The following CLECL1 variants were observed in gnomAD, a reference collection of about 807,000 sequenced individuals.
CLECL1 encodes C-type lectin-like domain family 1.
At chr12:9,727,442 G>A (rs1866393133) in intron 3 of CLECL1, among the ~76,000 whole-genome samples, 1 of 151,698 alleles carries the variant, frequency 6.6e-6, no homozygotes. Context: ...GAAAAGCAAT[G>A]ATCTAAACCA....
At chr12:9,721,945 C>T (rs34633868), downstream of CLECL1, among the ~76,000 whole-genome samples, 24,685 of 152,028 alleles carry the variant, frequency 0.16, 2,114 homozygotes, top group African/African-American at 0.22. Context: ...GGGACTTTTT[C>T]CCTCAGATGT....
downstream of CLECL1, chr12:9,718,570 G>C: frequency 2.4e-6 from 1 of 411,140 alleles, no homozygotes; most frequent in African/African-American, 2.4e-5. Context: ...ATATTTTGAA[G>C]TCCTAATCGC....
the CLECL1 span, among the ~76,000 whole-genome samples, chr12:9,710,490 C>T: frequency 2.6e-5 from 4 of 152,112 alleles, no homozygotes; most frequent in African/African-American, 9.7e-5. Flanking sequence ...GGCTAGGGCT[C>T]CATACCCTGG....
downstream of CLECL1, among the ~76,000 whole-genome samples, chr12:9,712,976 G>A (rs1326744197): frequency 6.6e-6 from 1 of 152,180 alleles, no homozygotes; most frequent in Non-Finnish European, 1.5e-5. Context: ...CACCAAGTTG[G>A]AGAAGGAAGG....
chr12:9,732,332 T>G (rs1179567060), intron 1 of CLECL1, among the ~76,000 whole-genome samples: 1 of 152,150 alleles, frequency 6.6e-6, no homozygotes, highest in African/African-American at 2.4e-5. Flanking sequence ...CTTCAAAGAA[T>G]AGAAAAGACA....
rs1163985434 is a variant in CLECL1, at chr12:9,725,057, A to G, written n.263-2244T>C. Among the ~76,000 whole-genome samples, 7 of 152,294 alleles carry G rather than the reference A, an allele frequency of 4.6e-5. No individual in the cohort carries two copies. In the South Asian group the frequency reaches 1.2e-3, roughly 27 times the overall value. ...CAAAGGAAAAAGTAACTGTCAACAA[A>G]GTATTCTATATCCAGTGAAAAATCT... is the stretch of plus-strand genomic sequence containing the variant. On this transcript the variant is annotated intron_variant and non_coding_transcript_variant, in intron 3 of 3. Transcript: ENST00000621400.
chr12:9,729,602 A>G (rs1194917932), exon 2 of CLECL1, among the ~76,000 whole-genome samples: 2 of 152,164 alleles, frequency 1.3e-5, no homozygotes. Context: ...CAAAATATTC[A>G]GTACAATTAC....
exon 4 of CLECL1, chr12:9,722,758 C>T (rs1866330044): frequency 6.2e-7 from 1 of 1,613,914 alleles, no homozygotes; most frequent in Non-Finnish European, 8.5e-7. Context: ...TTCCCTTATG[C>T]ACCTTCCAGT....
intron 2 of CLECL1, among the ~76,000 whole-genome samples, chr12:9,728,177 G>C (rs1318701167): frequency 2.0e-5 from 3 of 151,644 alleles, no homozygotes; most frequent in Non-Finnish European, 4.4e-5. Flanking sequence ...TTGTCTTTCT[G>C]CTGGCCATTT....
At chr12:9,717,016 CG>C (rs1334960650) in intron 2 of CLECL1, among the ~76,000 whole-genome samples, 1 of 152,140 alleles carries the variant, frequency 6.6e-6, no homozygotes, top group Non-Finnish European at 1.5e-5. Flanking sequence ...GCAGCATGAA[CG>C]ATGTCAAGTA....
At chr12:9,731,327 T>G (rs1192767542) in intron 1 of CLECL1, among the ~76,000 whole-genome samples, 3 of 152,250 alleles carry the variant, frequency 2.0e-5, no homozygotes, top group Non-Finnish European at 4.4e-5. Flanking sequence ...TTTCCTGCTC[T>G]ATATTTAGTA....
intron 3 of CLECL1, among the ~76,000 whole-genome samples, chr12:9,725,517 T>G (rs1163351987): frequency 1.3e-5 from 2 of 150,404 alleles, no homozygotes; most frequent in Admixed American, 6.6e-5. Context: ...CTGGAAGCAG[T>G]GTTTCACACC....
At chr12:9,719,513 G>A (rs1239747837), downstream of CLECL1, among the ~76,000 whole-genome samples, 6 of 152,176 alleles carry the variant, frequency 3.9e-5, no homozygotes, top group Non-Finnish European at 8.8e-5. Flanking sequence ...GCGAAAGAGC[G>A]AGACTTTGTC....
At chr12:9,703,404 T>G in the CLECL1 span, among the ~76,000 whole-genome samples, 1 of 151,868 alleles carries the variant, frequency 6.6e-6, no homozygotes, top group African/African-American at 2.4e-5. Context: ...ATTTATTTAT[T>G]TATTTATTGA....
At chr12:9,727,677 A>G (rs1426321631) in intron 2 of CLECL1, among the ~76,000 whole-genome samples, 1 of 151,862 alleles carries the variant, frequency 6.6e-6, no homozygotes, top group Non-Finnish European at 1.5e-5. Context: ...GTTGAACTAG[A>G]CAACTAATGA....
chr12:9,703,375 G>GTTAT, the CLECL1 span, among the ~76,000 whole-genome samples: 22,678 of 147,916 alleles, frequency 0.15, 2,484 homozygotes, highest in African/African-American at 0.31. Context: ...TTTGTGCTAG[G>GTTAT]TTATTTATTT....
chr12:9,710,923 A>G (rs148040840), downstream of CLECL1, among the ~76,000 whole-genome samples: 1 of 152,208 alleles, frequency 6.6e-6, no homozygotes, highest in Admixed American at 6.5e-5. Flanking sequence ...CTCCAAGCCC[A>G]TATGTGATCT....
At chr12:9,729,039 G>T (rs1341919579) in intron 2 of CLECL1, among the ~76,000 whole-genome samples, 3 of 151,886 alleles carry the variant, frequency 2.0e-5, no homozygotes, top group Non-Finnish European at 4.4e-5. Context: ...TATTTGTAAG[G>T]AACTTTTCCC....
intron 3 of CLECL1, among the ~76,000 whole-genome samples, chr12:9,725,279 C>T (rs922559362): frequency 6.6e-6 from 1 of 152,048 alleles, no homozygotes; most frequent in African/African-American, 2.4e-5. Flanking sequence ...ATAAGGTAAT[C>T]AACATATCTT....
Sources: gnomAD v4.1 joint callset for allele counts (sites outside exome capture counted in the v4.1 genomes callset) on GRCh38, gnomAD v4.1.1 for gene constraint, MANE v1.5 for transcripts, NCBI Gene and HGNC (gene_info 2026-07-23, HGNC 2026-07-21) for gene names.